ZNF148: variants seen among roughly 807,000 people sequenced by gnomAD.
The protein encoded by ZNF148 is zinc finger protein 148.
In ZNF148, 7 loss-of-function variants were observed where a neutral mutation model predicts 67.7. That is an observed-to-expected ratio of 0.10 (90% CI 0.06 to 0.19). ZNF148 has a LOEUF of 0.19. Ranked by LOEUF, ZNF148 falls within the 10% of genes least tolerant of loss-of-function variation. The pLI is 1.00. For missense variants in ZNF148, 583 were observed against 947.1 expected (o/e 0.62, Z 5.05); for synonymous variants, 333 against 330.7 (o/e 1.01, Z -0.08).
chr3:125,319,325 A>G (rs1940668651), intron 3 of ZNF148, among the ~76,000 whole-genome samples: 3 of 152,224 alleles, frequency 2.0e-5, no homozygotes. Context: ...AATTAAATAC[A>G]TAGGCTTTTA....
At position 125,232,783 on chromosome 3, in the gene ZNF148, T is replaced by C. The variant is rs570993387; in HGVS notation, c.1943A>G (p.Lys648Arg). ...PNQPAFSSID[K>R]QVYATMPINS... ...GATGGGCATGGTGGCATAGACCTGC[T>C]TGTCTATGGAAGAGAATGCTGGCTG... Residue 648 changes from lysine (K) to arginine (R), a missense_variant, in exon 9 of 9, where the codon AAG becomes AGG. Lys to Arg is a conservative substitution (Grantham distance 26). Around this residue, in one of 5 missense-constraint regions of ZNF148, gnomAD observed 158 missense variants for 208.4 expected, o/e 0.76. Coordinates refer to ENST00000360647, the MANE Select transcript of ZNF148 (RefSeq NM_021964.3). This position sits in a 1 kb window ranked among gnomAD's most constrained non-coding sequence, Gnocchi z 4.2. 3 of 1,613,896 alleles carry C rather than the reference T, an allele frequency of 1.9e-6. No homozygotes were observed. Among genetic ancestry groups the C allele is most frequent in the Non-Finnish European group, 2.5e-6 (3 of 1,179,820 alleles).
intron 1 of ZNF148, among the ~76,000 whole-genome samples, chr3:125,364,330 C>T (rs1008828037): frequency 7.2e-5 from 11 of 151,972 alleles, no homozygotes; most frequent in East Asian, 1.9e-4. Flanking sequence ...ACCCAGAAGG[C>T]GGAGGTTGCA....
At chr3:125,308,676 A>G (rs1397538336) in intron 4 of ZNF148, among the ~76,000 whole-genome samples, 1 of 152,222 alleles carries the variant, frequency 6.6e-6, no homozygotes, top group Admixed American at 6.5e-5. Flanking sequence ...TAAAAGATAC[A>G]GCAATCAAAA....
rs1935878844 is a variant in ZNF148 at position 125,232,157 on chromosome 3, A to G, written c.*184T>C. The G allele has an allele frequency of 4.6e-6, 3 of 651,898 alleles. No individual in the cohort carries two copies. The highest frequency in any genetic ancestry group is 5.6e-5 in the East Asian group (2 of 35,450). The allele number at this position is 651,898 out of a possible 1,614,324, so 40.4% of individuals were successfully genotyped here. On this transcript the variant is annotated 3_prime_UTR_variant, in exon 9 of 9. Transcript: ENST00000360647. The surrounding 1 kb of genome is among the most constrained non-coding windows in gnomAD (Gnocchi z 4.2). The stretch of plus-strand genomic sequence containing the variant: ...CTATAAAGGTGACAACATGTAAGGC[A>G]GTTCAAAGAATGCTGACTAACCAAA...
rs1228304621 is a variant in ZNF148, at chr3:125,288,235, A to T, written c.334-7T>A. 1.3e-6 allele frequency: 2 copies of T among 1,596,458 alleles called. No individual in the cohort carries two copies. Among genetic ancestry groups the T allele is most frequent in the Non-Finnish European group, 1.7e-6 (2 of 1,174,948 alleles). On this transcript the variant is annotated splice_region_variant and splice_polypyrimidine_tract_variant and intron_variant, in intron 4 of 8. Transcript: ENST00000360647. Reference sequence around the variant, plus strand: ...TTTCCTGCTTTACGCTTATCTGTTTAAAAAAAGAAAAGCCAATTTTAGACA... The same window carrying T: ...TTTCCTGCTTTACGCTTATCTGTTTTAAAAAAGAAAAGCCAATTTTAGACA...
intron 7 of ZNF148, among the ~76,000 whole-genome samples, chr3:125,273,870 A>G (rs1937901139): frequency 6.6e-6 from 1 of 152,240 alleles, no homozygotes; most frequent in Admixed American, 6.5e-5. Context: ...GAAAACTGGC[A>G]TAACTAAAAA....
intron 7 of ZNF148, among the ~76,000 whole-genome samples, chr3:125,241,298 C>T (rs1333590783): frequency 6.7e-6 from 1 of 149,998 alleles, no homozygotes; most frequent in Non-Finnish European, 1.5e-5. Context: ...TACAGAGTTT[C>T]TTTCTTTTTT....
At chr3:125,324,607 T>A (rs1940939777) in intron 2 of ZNF148, among the ~76,000 whole-genome samples, 2 of 152,216 alleles carry the variant, frequency 1.3e-5, no homozygotes, top group African/African-American at 4.8e-5. Flanking sequence ...TAGATTCCTA[T>A]CTATCAAGAA....
chr3:125,260,197 T>C (rs1323469658), intron 7 of ZNF148, among the ~76,000 whole-genome samples: 1 of 152,072 alleles, frequency 6.6e-6, no homozygotes, highest in Non-Finnish European at 1.5e-5. Context: ...GTCTGAAATA[T>C]TGAAAGAATT....
intron 3 of ZNF148, among the ~76,000 whole-genome samples, chr3:125,314,776 T>G (rs1230014288): frequency 6.6e-6 from 1 of 152,158 alleles, no homozygotes; most frequent in East Asian, 1.9e-4. Context: ...GGTCAAAGAT[T>G]GCTGGGTATG....
Position 125,375,261 on chromosome 3 carries a change from C to CCCTCCTCCT in ZNF148, c.-402_-394dup, listed in dbSNP as rs148762600. 5 of 154,110 alleles carry CCCTCCTCCT rather than the reference C, an allele frequency of 3.2e-5. No homozygotes were observed. The highest frequency in any genetic ancestry group is 1.3e-4 in the Admixed American group (2 of 15,282). 9.5% of individuals were successfully genotyped at this position (154,110 alleles called of 1,614,324 possible). A position where few individuals can be genotyped will look rare whatever the true frequency, so the allele number is the denominator to read the frequency against. On this transcript the variant is annotated 5_prime_UTR_variant, in exon 1 of 9. Coordinates refer to ENST00000360647, the MANE Select transcript of ZNF148 (RefSeq NM_021964.3). ...CCCTGCGCCTTTCTCCTCTTCCTCC[C>CCCTCCTCCT]CCTCCTCCTCCTCCTCCTCTTCCTC...
chr3:125,351,060 G>A (rs111227992), intron 1 of ZNF148, among the ~76,000 whole-genome samples: 6 of 152,144 alleles, frequency 3.9e-5, no homozygotes, highest in African/African-American at 1.4e-4. Context: ...GAGGAGTTGA[G>A]GCTGGGTGTG....
intron 4 of ZNF148, among the ~76,000 whole-genome samples, chr3:125,302,377 CAA>C (rs753651032): frequency 8.8e-5 from 10 of 113,354 alleles, no homozygotes; most frequent in Non-Finnish European, 5.6e-5. Context: ...GACCCTGTCT[CAA>C]AAAAAAAAAA....
chr3:125,329,486 C>T (rs1941188615), intron 2 of ZNF148, among the ~76,000 whole-genome samples: 3 of 151,220 alleles, frequency 2.0e-5, no homozygotes, highest in South Asian at 4.2e-4. Context: ...CTCAGCCTCC[C>T]GAGTAGCTGG....
At chr3:125,292,606 G>T (rs1468142810) in intron 4 of ZNF148, 2 of 152,100 alleles carry the variant, frequency 1.3e-5, no homozygotes, top group South Asian at 2.1e-4. Flanking sequence ...CCTGTATTTT[G>T]TAACAGTTTC....
At chr3:125,335,745 C>A (rs1424230100) in intron 1 of ZNF148, among the ~76,000 whole-genome samples, 20 of 152,200 alleles carry the variant, frequency 1.3e-4, no homozygotes, top group Admixed American at 1.3e-3. Context: ...AAATATTTCA[C>A]ATTTCATGTT....
At chr3:125,340,880 T>C (rs1180950195) in intron 1 of ZNF148, among the ~76,000 whole-genome samples, 3 of 145,632 alleles carry the variant, frequency 2.1e-5, no homozygotes, top group Admixed American at 7.1e-5. Context: ...CCCAGCTACT[T>C]GGGAGGCTGA....
intron 7 of ZNF148, among the ~76,000 whole-genome samples, chr3:125,263,505 T>C (rs528062302): frequency 6.6e-6 from 1 of 151,666 alleles, no homozygotes; most frequent in East Asian, 1.9e-4. Flanking sequence ...GAGCCAAGAT[T>C]GTGCCACTGC....
At chr3:125,284,673 C>A (rs2039718) in intron 5 of ZNF148, among the ~76,000 whole-genome samples, 118,139 of 152,068 alleles carry the variant, frequency 0.78, 46,490 homozygotes, top group African/African-American at 0.87. Context: ...AGATTTCCCC[C>A]AAAAAATGGT....
Sources: gnomAD v4.1 joint callset for allele counts (sites outside exome capture counted in the v4.1 genomes callset) on GRCh38, gnomAD v4.1.1 for gene constraint, gnomAD v4.1.1 regional missense constraint, Gnocchi (gnomAD v3.1) non-coding constraint, MANE v1.5 for transcripts, NCBI Gene and HGNC (gene_info 2026-07-23, HGNC 2026-07-21) for gene names.